ANKRD28: variants seen among roughly 807,000 people sequenced by gnomAD.
ANKRD28 encodes the protein ankyrin repeat domain 28.
Under a neutral mutation model 126.5 loss-of-function variants are expected in ANKRD28, and 44 were observed. The ratio of observed to expected loss-of-function variants is 0.35; its 90% confidence interval spans 0.27 to 0.45. ANKRD28 has a LOEUF of 0.45. Among genes scored for constraint, ANKRD28 ranks in the 20% least tolerant of loss-of-function variants. ANKRD28 has a pLI of 1.00. For missense variants in ANKRD28, 1,110 were observed against 1,316.6 expected, an observed-to-expected ratio of 0.84 and a Z score of 2.43; for synonymous variants, 442 against 468.5, an observed-to-expected ratio of 0.94 and a Z score of 0.73.
chr3:15,755,748 T>C (rs1433714791), intron 3 of ANKRD28, among the ~76,000 whole-genome samples: 1 of 152,202 alleles, frequency 6.6e-6, no homozygotes, highest in Non-Finnish European at 1.5e-5. Context: ...TCACATGCCC[T>C]CTACATGGTA....
intron 1 of ANKRD28, among the ~76,000 whole-genome samples, chr3:15,829,338 T>C (rs549563921): frequency 6.6e-6 from 1 of 152,218 alleles, no homozygotes; most frequent in Non-Finnish European, 1.5e-5. Flanking sequence ...CAATAAGTTA[T>C]CATGGTTCAA....
chr3:15,786,620 A>G (rs974313526), intron 2 of ANKRD28, among the ~76,000 whole-genome samples: 2 of 152,110 alleles, frequency 1.3e-5, no homozygotes, highest in Non-Finnish European at 2.9e-5. Context: ...TTTATTATAC[A>G]TCGATTGTAT....
intron 3 of ANKRD28, among the ~76,000 whole-genome samples, chr3:15,759,152 G>A (rs533646055): frequency 1.3e-5 from 2 of 152,230 alleles, no homozygotes; most frequent in East Asian, 1.9e-4. Flanking sequence ...TGGGGGAGGA[G>A]GGTGGAAATT....
At chr3:15,706,159 T>G (rs1303943847) in intron 14 of ANKRD28, among the ~76,000 whole-genome samples, 1 of 152,150 alleles carries the variant, frequency 6.6e-6, no homozygotes, top group Non-Finnish European at 1.5e-5. Context: ...GGCACATATG[T>G]ATACATGTGC....
chr3:15,772,945 T>G (rs564101313), intron 2 of ANKRD28, among the ~76,000 whole-genome samples: 1 of 152,138 alleles, frequency 6.6e-6, no homozygotes, highest in African/African-American at 2.4e-5. Context: ...ACAGGTAATT[T>G]AATGGTGAAA....
intron 9 of ANKRD28, among the ~76,000 whole-genome samples, chr3:15,714,080 G>T (rs2072680825): frequency 6.6e-6 from 1 of 152,084 alleles, no homozygotes; most frequent in Non-Finnish European, 1.5e-5. Context: ...AAATTTCTTG[G>T]AATATGCCTT....
chr3:15,687,493 A>G (rs566065385), intron 18 of ANKRD28, among the ~76,000 whole-genome samples: 3 of 152,302 alleles, frequency 2.0e-5, no homozygotes, highest in African/African-American at 7.2e-5. Context: ...GGTCCTGTTA[A>G]TATATACAAA....
At chr3:15,699,737 A>G (rs1044858851) in intron 14 of ANKRD28, among the ~76,000 whole-genome samples, 1 of 152,232 alleles carries the variant, frequency 6.6e-6, no homozygotes, top group Non-Finnish European at 1.5e-5. Context: ...AGGAAACAAC[A>G]GATGCTGGAG....
chr3:15,754,068 G>A (rs1559475179), intron 3 of ANKRD28, among the ~76,000 whole-genome samples: 1 of 152,144 alleles, frequency 6.6e-6, no homozygotes, highest in African/African-American at 2.4e-5. Flanking sequence ...GAAAAAGGAA[G>A]AGATAATTAT....
intron 14 of ANKRD28, 24 bp downstream of exon 14, chr3:15,707,900 C>A: frequency 6.3e-7 from 1 of 1,592,992 alleles, no homozygotes; most frequent in South Asian, 1.1e-5. Flanking sequence ...ATTGATCCTC[C>A]ACTCTCACTC....
chr3:15,720,508 A>G (rs1168181550), intron 8 of ANKRD28, among the ~76,000 whole-genome samples: 1 of 152,220 alleles, frequency 6.6e-6, no homozygotes, highest in Admixed American at 6.5e-5. Context: ...CTAAGAGAAA[A>G]TTTATATGCT....
intron 4 of ANKRD28, among the ~76,000 whole-genome samples, chr3:15,751,135 C>T (rs1575533883): frequency 6.6e-6 from 1 of 151,944 alleles, no homozygotes; most frequent in East Asian, 1.9e-4. Context: ...AGACGTCTAT[C>T]CTACAAAGAT....
Position 15,714,638 on chromosome 3 carries a change from G to A in ANKRD28, c.1015C>T (p.Pro339Ser). The A allele has an allele frequency of 6.3e-7, 1 of 1,596,090 alleles. No homozygotes were observed. The highest frequency in any genetic ancestry group is 8.5e-7 in the Non-Finnish European group (1 of 1,173,394). The stretch of plus-strand genomic sequence containing the variant: ...CCGTGGAGAGCAGTCATGTGTAGTG[G>A]GGTTTTCCCATCTTTACTCTGGGGG... ...VNMKSKDGKTPLHMTALHGRF... is the reference protein window; with the variant it reads ...VNMKSKDGKTSLHMTALHGRF... Residue 339 changes from proline to serine, a missense_variant, in exon 9 of 28, where the codon CCA becomes TCA. Pro to Ser is a moderately conservative substitution (Grantham distance 74, BLOSUM62 -1). Transcript: ENST00000683139.
Position 15,670,080 on chromosome 3 carries a change from G to A in ANKRD28, c.*190C>T, listed in dbSNP as rs975857202. 1 of 595,154 alleles carries A rather than the reference G, an allele frequency of 1.7e-6. No individual in the cohort carries two copies. Among genetic ancestry groups the A allele is most frequent in the South Asian group, 2.3e-5 (1 of 42,638 alleles). The allele number at this position is 595,154 out of a possible 1,614,324, so 36.9% of individuals were successfully genotyped here. A position where few individuals can be genotyped will look rare whatever the true frequency, so the allele number is the denominator to read the frequency against. On this transcript the variant is annotated 3_prime_UTR_variant, in exon 28 of 28. Transcript: ENST00000683139. ...TTTTCCTCAGTCAGGTCTATTTCAA[G>A]ATTCTAGAAGTTCCTTTTGTAAAAC...
At chr3:15,752,436 C>A (rs1220377812) in intron 3 of ANKRD28, among the ~76,000 whole-genome samples, 2 of 152,052 alleles carry the variant, frequency 1.3e-5, no homozygotes, top group Non-Finnish European at 2.9e-5. Flanking sequence ...GTTTAAAAAT[C>A]ATTAAGTCAA....
rs1433092802 is a variant in ANKRD28, at chr3:15,812,072, G to A, written c.28-16766C>T. ...GGAGGCTGAGGTCGGAGAATCGCTT[G>A]AACCCAGGAGGCTGAGGTTGCAGTG... On this transcript the variant is annotated intron_variant, in intron 1 of 27. Coordinates refer to the ANKRD28 transcript ENST00000399451. The surrounding 1 kb of genome is among the most constrained non-coding windows in gnomAD (Gnocchi z 4.1). Among the ~76,000 whole-genome samples the A allele has an allele frequency of 1.3e-5, 2 of 151,886 alleles. No individual in the cohort carries two copies. The highest frequency in any genetic ancestry group is 2.9e-5 in the Non-Finnish European group (2 of 67,960).
intron 2 of ANKRD28, among the ~76,000 whole-genome samples, chr3:15,777,893 CA>C (rs2059367727): frequency 3.3e-5 from 5 of 151,172 alleles, no homozygotes; most frequent in African/African-American, 1.2e-4. Flanking sequence ...CACACACACA[CA>C]CACACACACC....
chr3:15,831,251 A>G (rs1575786543), intron 1 of ANKRD28, among the ~76,000 whole-genome samples: 1 of 152,256 alleles, frequency 6.6e-6, no homozygotes, highest in African/African-American at 2.4e-5. Flanking sequence ...CTGAGTATAT[A>G]TAACAAAAGC....
At position 15,714,608 on chromosome 3, in the gene ANKRD28, A is replaced by C. The variant is rs753157220; in HGVS notation, c.1045T>G (p.Phe349Val). The change falls in exon 9 of 28, where the codon TTC becomes GTC. Residue 349 changes from phenylalanine (F) to valine (V), a missense_variant. Physicochemically the swap from Phe to Val is conservative, Grantham distance 50. Coordinates refer to ENST00000683139, the MANE Select transcript of ANKRD28 (RefSeq NM_001349278.2). Reference sequence around the variant, plus strand: ...TGGATAATGGTTTGTGATCGGGAGAATCTACCGTGGAGAGCAGTCATGTGT... The same window carrying C: ...TGGATAATGGTTTGTGATCGGGAGACTCTACCGTGGAGAGCAGTCATGTGT... ...PLHMTALHGR[F>V]SRSQTIIQSG... 1 of 1,598,898 alleles carries C rather than the reference A, an allele frequency of 6.3e-7. No individual in the cohort carries two copies. Among genetic ancestry groups the C allele is most frequent in the Admixed American group, 1.8e-5 (1 of 55,778 alleles).
Sources: allele counts gnomAD v4.1 joint callset (sites outside exome capture counted in the v4.1 genomes callset), GRCh38; gene constraint gnomAD v4.1.1; non-coding constraint Gnocchi (gnomAD v3.1); transcripts MANE v1.5; gene names NCBI Gene and HGNC (gene_info 2026-07-23, HGNC 2026-07-21).